PTPRO: variants seen among roughly 807,000 people sequenced by gnomAD.
The protein encoded by PTPRO is receptor-type tyrosine-protein phosphatase O.
Under a neutral mutation model 145.2 loss-of-function variants are expected in PTPRO, and 62 were observed. The ratio of observed to expected loss-of-function variants is 0.43; its 90% confidence interval spans 0.35 to 0.53. The LOEUF (loss-of-function observed/expected upper bound fraction) is 0.53. Ranked by LOEUF, PTPRO falls within the 20% of genes least tolerant of loss-of-function variation. The pLI, the probability that PTPRO is intolerant of heterozygous loss-of-function variation, is 0.01. For missense variants in PTPRO, 1,345 were observed against 1,482.7 expected, an observed-to-expected ratio of 0.91 and a Z score of 1.53; for synonymous variants, 565 against 514.7, an observed-to-expected ratio of 1.10 and a Z score of -1.32.
rs555903962 is a variant in PTPRO at position 15,476,626 on chromosome 12, A to G, written c.76-7348A>G. Among the ~76,000 whole-genome samples the G allele has an allele frequency of 6.6e-5, 10 of 151,798 alleles. No homozygotes were observed. The East Asian group carries it at 9.8e-4, about 15-fold the overall frequency. On this transcript the variant is annotated intron_variant, in intron 1 of 26. Transcript: ENST00000281171. ...TGCCATTGCTTTTGGTGTTTTGGAC[A>G]TGAAGTCCTTGCCCACGCCTATGTC... is the stretch of plus-strand genomic sequence containing the variant.
At chr12:15,371,990 T>C (rs1005928362) in intron 1 of PTPRO, among the ~76,000 whole-genome samples, 8 of 152,180 alleles carry the variant, frequency 5.3e-5, no homozygotes, top group African/African-American at 1.9e-4. Context: ...CTTTCCTATA[T>C]AAATTGCCCA....
At chr12:15,465,943 A>G (rs1357974002) in intron 1 of PTPRO, among the ~76,000 whole-genome samples, 2 of 152,188 alleles carry the variant, frequency 1.3e-5, no homozygotes, top group African/African-American at 4.8e-5. Flanking sequence ...GAATACACAC[A>G]TGATCAGAGC....
At chr12:15,415,245 C>CCTAAACAGCCT in intron 1 of PTPRO, among the ~76,000 whole-genome samples, 1 of 152,118 alleles carries the variant, frequency 6.6e-6, no homozygotes, top group Non-Finnish European at 1.5e-5. Context: ...AAAAAGAAGC[C>CCTAAACAGCCT]CTAAACAGCC....
chr12:15,345,497 C>CTT (rs1460344800), intron 1 of PTPRO, among the ~76,000 whole-genome samples: 2 of 152,090 alleles, frequency 1.3e-5, no homozygotes, highest in Non-Finnish European at 2.9e-5. Context: ...TCTCAACAAA[C>CTT]TGACACAAGA....
intron 2 of PTPRO, among the ~76,000 whole-genome samples, chr12:15,491,222 G>T (rs1235479358): frequency 6.6e-6 from 1 of 152,184 alleles, no homozygotes; most frequent in Non-Finnish European, 1.5e-5. Context: ...TCCCTCAAGA[G>T]AACTGTGCCA....
intron 6 of PTPRO, 147 bp from the exon 7 acceptor site, chr12:15,508,424 G>A (rs1942367641): frequency 2.5e-6 from 2 of 801,764 alleles, no homozygotes; most frequent in Non-Finnish European, 4.2e-6. Flanking sequence ...CTGGGCAGAG[G>A]ACCTGAAGAG....
rs1472060071 is a variant in PTPRO at position 15,503,944 on chromosome 12, C to T, written c.1142C>T (p.Ala381Val). 4 of 1,586,508 alleles carry T rather than the reference C, an allele frequency of 2.5e-6. No individual in the cohort carries two copies. Among genetic ancestry groups the T allele is most frequent in the Non-Finnish European group, 3.5e-6 (4 of 1,155,394 alleles). ...FTEYLMVDEE[A>V]HEFVAELKEP... ...GAATATTTGATGGTGGATGAAGAAG[C>T]ACATGAATTTGTTGCAGAACTGAAG... Residue 381 changes from alanine (A) to valine (V), a missense_variant, in exon 6 of 27, where the codon GCA becomes GTA. By Grantham distance (64) the Ala-to-Val change is moderately conservative. Coordinates refer to ENST00000281171, the MANE Select transcript of PTPRO (RefSeq NM_030667.3).
chr12:15,469,662 C>T (rs1472243965), intron 1 of PTPRO, among the ~76,000 whole-genome samples: 1 of 149,168 alleles, frequency 6.7e-6, no homozygotes, highest in Non-Finnish European at 1.5e-5. Context: ...ACTGACTGCT[C>T]TTGTTCGTGA....
intron 6 of PTPRO, among the ~76,000 whole-genome samples, chr12:15,505,111 A>G (rs1269441179): frequency 1.3e-5 from 2 of 152,196 alleles, no homozygotes; most frequent in Non-Finnish European, 2.9e-5. Flanking sequence ...AAGACTAAAA[A>G]TGCCTCACTT....
intron 1 of PTPRO, among the ~76,000 whole-genome samples, chr12:15,476,769 A>C (rs1251794603): frequency 6.6e-6 from 1 of 151,600 alleles, no homozygotes; most frequent in Non-Finnish European, 1.5e-5. Context: ...ATCACTGGCC[A>C]TCAGAGAAAT....
chr12:15,478,601 T>C (rs1382602183), intron 1 of PTPRO, among the ~76,000 whole-genome samples: 1 of 152,194 alleles, frequency 6.6e-6, no homozygotes, highest in East Asian at 1.9e-4. Flanking sequence ...TTTACCCTAT[T>C]GGCAGAAAAG....
chr12:15,384,650 G>A (rs866506159), intron 1 of PTPRO, among the ~76,000 whole-genome samples: 44 of 152,190 alleles, frequency 2.9e-4, no homozygotes, highest in African/African-American at 8.4e-4. Context: ...TCCAAATGCC[G>A]TTACATTGGG....
chr12:15,573,975 T>C (rs1944119419), intron 19 of PTPRO, among the ~76,000 whole-genome samples: 1 of 152,180 alleles, frequency 6.6e-6, no homozygotes, highest in South Asian at 2.1e-4. Flanking sequence ...ATCACCTTGG[T>C]CTAGATAATT....
chr12:15,498,067 G>A (rs1942144724), intron 3 of PTPRO, among the ~76,000 whole-genome samples: 1 of 151,632 alleles, frequency 6.6e-6, no homozygotes, highest in African/African-American at 2.4e-5. Context: ...AATACGCTCA[G>A]GGCACATCGG....
chr12:15,588,031 G>T (rs1369559993), intron 24 of PTPRO, among the ~76,000 whole-genome samples: 1 of 152,226 alleles, frequency 6.6e-6, no homozygotes, highest in Non-Finnish European at 1.5e-5. Flanking sequence ...AGATATTGTT[G>T]CTGTCAATCC....
chr12:15,362,322 TG>T lies in PTPRO; in HGVS notation c.75+39522del, dbSNP rs545475655. 2.0e-5 allele frequency among the ~76,000 whole-genome samples: 3 copies of T among 152,226 alleles called. No individual in the cohort carries two copies. In the East Asian group the frequency reaches 5.8e-4, roughly 29 times the overall value. The stretch of plus-strand genomic sequence containing the variant: ...GTTGGAAAATAAGTAGGGAATTGGG[TG>T]TTGAGTCCCTGCGTGTTATTCCTGG... On this transcript the variant is annotated intron_variant, in intron 1 of 26. Coordinates refer to ENST00000281171, the MANE Select transcript of PTPRO (RefSeq NM_030667.3).
intron 1 of PTPRO, among the ~76,000 whole-genome samples, chr12:15,415,912 G>GC (rs1939958392): frequency 6.6e-6 from 1 of 151,640 alleles, no homozygotes; most frequent in African/African-American, 2.4e-5. Flanking sequence ...GGTAACAATC[G>GC]CAAGGATAAA....
Position 15,507,046 on chromosome 12 carries a change from C to T in PTPRO, c.1268-1525C>T, listed in dbSNP as rs575461962. ...TGTGTGTGAATCCTAGCTCTACTTA[C>T]TCTATCTCTACCTCAGTTTTCACAT... On this transcript the variant is annotated intron_variant, in intron 6 of 26. Coordinates refer to ENST00000281171, the MANE Select transcript of PTPRO (RefSeq NM_030667.3). 1.3e-4 allele frequency among the ~76,000 whole-genome samples: 20 copies of T among 152,264 alleles called. 2 individuals carry two copies. Among genetic ancestry groups the T allele is most frequent in the African/African-American group, 4.8e-4 (20 of 41,554 alleles).
At chr12:15,475,156 A>C (rs1014146426) in intron 1 of PTPRO, among the ~76,000 whole-genome samples, 2 of 152,200 alleles carry the variant, frequency 1.3e-5, no homozygotes, top group African/African-American at 2.4e-5. Context: ...TACAAAATTG[A>C]GTCTATTTAC....
Sources: allele counts gnomAD v4.1 joint callset (sites outside exome capture counted in the v4.1 genomes callset), GRCh38; gene constraint gnomAD v4.1.1; transcripts MANE v1.5; gene names NCBI Gene and HGNC (gene_info 2026-07-23, HGNC 2026-07-21).